The following L1TD1 variants were observed in gnomAD, a reference collection of about 807,000 sequenced individuals.
The protein encoded by L1TD1 is LINE1 type transposase domain containing 1, also known as LINE-1 type transposase domain-containing protein 1.
L1TD1 carries 26 observed loss-of-function variants against 25.7 expected under a neutral mutation model. That is an observed-to-expected ratio of 1.01 (90% CI 0.74 to 1.40). The LOEUF is 1.40. Among genes scored for constraint, L1TD1 ranks in the 40% most tolerant of loss-of-function variants. L1TD1 has a pLI of 0.00. For missense variants in L1TD1, 1,130 were observed against 975.0 expected, an observed-to-expected ratio of 1.16 and a Z score of -2.12; for synonymous variants, 421 against 335.6, an observed-to-expected ratio of 1.25 and a Z score of -2.78.
At chr1:62,197,397 T>TTTTATATA (rs1269544269) in intron 2 of L1TD1, among the ~76,000 whole-genome samples, 19 of 80,838 alleles carry the variant, frequency 2.4e-4, no homozygotes, top group East Asian at 1.7e-3. Context: ...AAAAAATAAA[T>TTTTATATA]TATATATATA....
At position 62,207,331 on chromosome 1, in the gene L1TD1, G is replaced by A. The variant is rs915846922; in HGVS notation, c.703G>A (p.Val235Met). 9 of 1,551,194 alleles carry A rather than the reference G, an allele frequency of 5.8e-6. No homozygotes were observed. In the African/African-American group the frequency reaches 8.2e-5, roughly 14 times the overall value. The part of the protein sequence containing the change: ...EVLKASREEK[V>M]LMDEGAVLTL... ...TTTAAAAGCCTCCAGAGAAGAAAAA[G>A]TGTTGATGGATGAAGGAGCAGTACT... is the stretch of plus-strand genomic sequence containing the variant. Residue 235 changes from valine to methionine, a missense_variant, in exon 3 of 4, where the codon GTG becomes ATG. Transcript: ENST00000498273.
rs540392155 is a variant in L1TD1, at chr1:62,197,251, G to A, written c.-111+723G>A. Among the ~76,000 whole-genome samples the A allele has an allele frequency of 2.0e-5, 3 of 151,532 alleles. No individual in the cohort carries two copies. The South Asian group carries it at 6.3e-4, about 32-fold the overall frequency. On this transcript the variant is annotated intron_variant, in intron 2 of 3. Coordinates refer to ENST00000498273, the MANE Select transcript of L1TD1 (RefSeq NM_019079.5). ...AAAGTACCAAAATTAGCTGGGCATG[G>A]TGGCACGCTCCTGTAGTCCCAGCTA...
intron 3 of L1TD1, 52 bp from the exon 4 acceptor site, chr1:62,209,731 A>T (rs1280176829): frequency 7.5e-7 from 1 of 1,332,024 alleles, no homozygotes; most frequent in Non-Finnish European, 1.0e-6. Flanking sequence ...TCTTTAAAAG[A>T]CAAATGATTT....
Position 62,206,781 on chromosome 1 carries a change from T to G in L1TD1, c.153T>G (p.Ile51Met), listed in dbSNP as rs775850126. Reference sequence around the variant, plus strand: ...TAAAATGCAAGGACGTATCAGCAATTATGAATAAGTTTAAGGTCTTAATGG... The same window carrying G: ...TAAAATGCAAGGACGTATCAGCAATGATGAATAAGTTTAAGGTCTTAATGG... ...LDLKCKDVSAIMNKFKVLMEI... is the reference protein window; with the variant it reads ...LDLKCKDVSAMMNKFKVLMEI... The change falls in exon 3 of 4, where the codon ATT (isoleucine) becomes ATG (methionine). Residue 51 changes from isoleucine to methionine, a missense_variant. Transcript: ENST00000498273. 2.2e-5 allele frequency: 34 copies of G among 1,568,078 alleles called. No individual in the cohort carries two copies. The highest frequency in any genetic ancestry group is 2.9e-5 in the Non-Finnish European group (34 of 1,154,550).
chr1:62,204,884 C>A (rs879942408), intron 2 of L1TD1, among the ~76,000 whole-genome samples: 1 of 152,122 alleles, frequency 6.6e-6, no homozygotes, highest in African/African-American at 2.4e-5. Flanking sequence ...TCAAGTGATC[C>A]TCTTACCTCA....
chr1:62,205,381 CT>C (rs1670717474), intron 2 of L1TD1, among the ~76,000 whole-genome samples: 9 of 76,928 alleles, frequency 1.2e-4, no homozygotes, highest in African/African-American at 1.5e-4. Flanking sequence ...CTTTCTCTCT[CT>C]CTCTCTTTCT....
intron 3 of L1TD1, among the ~76,000 whole-genome samples, chr1:62,208,667 C>T (rs1570930423): frequency 2.0e-5 from 3 of 152,106 alleles, no homozygotes; most frequent in South Asian, 2.1e-4. Flanking sequence ...TTTATAGAGA[C>T]GAGGTTTTGC....
At chr1:62,209,265 T>A (rs1307911305) in intron 3 of L1TD1, among the ~76,000 whole-genome samples, 1 of 150,700 alleles carries the variant, frequency 6.6e-6, no homozygotes, top group Non-Finnish European at 1.5e-5. Context: ...GTCCTAAGGC[T>A]AGAGTGTAAA....
At chr1:62,209,732 C>T in intron 3 of L1TD1, 51 bp from the exon 4 acceptor site, 1 of 1,331,416 alleles carries the variant, frequency 7.5e-7, no homozygotes, top group South Asian at 1.6e-5. Context: ...CTTTAAAAGA[C>T]AAATGATTTA....
chr1:62,195,988 G>A (rs1670529263), intron 1 of L1TD1, among the ~76,000 whole-genome samples: 1 of 151,752 alleles, frequency 6.6e-6, no homozygotes, highest in African/African-American at 2.4e-5. Flanking sequence ...AGTGAGCCGA[G>A]ATCGGGCCAC....
intron 1 of L1TD1, among the ~76,000 whole-genome samples, chr1:62,195,374 C>T (rs1201114242): frequency 2.6e-5 from 4 of 152,216 alleles, no homozygotes; most frequent in Non-Finnish European, 5.9e-5. Context: ...TTATCTATCC[C>T]CAAATTGGAA....
chr1:62,206,131 C>T (rs1670740651), intron 2 of L1TD1, among the ~76,000 whole-genome samples: 1 of 152,084 alleles, frequency 6.6e-6, no homozygotes. Context: ...CTCAATTTTG[C>T]GTAAGATTCT....
chr1:62,211,571 T>A lies in L1TD1; in HGVS notation c.*199T>A. 1 of 790,996 alleles carries A rather than the reference T, an allele frequency of 1.3e-6. No individual in the cohort carries two copies. The highest frequency in any genetic ancestry group is 1.8e-6 in the Non-Finnish European group (1 of 554,480). 49.0% of individuals were successfully genotyped at this position (790,996 alleles called of 1,614,324 possible). ...TAAAAAAAATAGGCTGGTCTCAATG[T>A]AGTGAGTTATTTCAGTTGATCACAG... On this transcript the variant is annotated 3_prime_UTR_variant, in exon 4 of 4. Transcript: ENST00000498273.
chr1:62,197,375 A>T (rs1177514568), intron 2 of L1TD1, among the ~76,000 whole-genome samples: 1 of 145,236 alleles, frequency 6.9e-6, no homozygotes, highest in Non-Finnish European at 1.5e-5. Context: ...CAAGAGTGAG[A>T]CGCCCTCTCA....
chr1:62,207,760 G>T lies in L1TD1; in HGVS notation c.1008+124G>T, dbSNP rs1435705276. The T allele has an allele frequency of 1.6e-5, 20 of 1,215,488 alleles. No individual in the cohort carries two copies. In the South Asian group the frequency reaches 3.4e-4, roughly 21 times the overall value. The allele number at this position is 1,215,488 out of a possible 1,614,324, so 75.3% of individuals were successfully genotyped here. A position where few individuals can be genotyped will look rare whatever the true frequency, so the allele number is the denominator to read the frequency against. On this transcript the variant is annotated intron_variant, in intron 3 of 3. Transcript: ENST00000498273. Reference sequence around the variant, plus strand: ...GGAGTTTCGCTCTTGTCGGCCAGGTGGGAGTGCAGTGGCACGATCTCGGCT... The same window carrying T: ...GGAGTTTCGCTCTTGTCGGCCAGGTTGGAGTGCAGTGGCACGATCTCGGCT...
chr1:62,207,534 T>G lies in L1TD1; in HGVS notation c.906T>G (p.Phe302Leu), dbSNP rs1028168822. Residue 302 changes from phenylalanine (F) to leucine (L), a missense_variant, in exon 3 of 4, where the codon TTT becomes TTG. Physicochemically the swap from Phe to Leu is conservative, Grantham distance 22. Transcript: ENST00000498273. Reference sequence around the variant, plus strand: ...CAGATCTGCAAAGCCTTAGAAAATTTGCCAGCCAAAAATCTTCTGTGAAAG... The same window carrying G: ...CAGATCTGCAAAGCCTTAGAAAATTGGCCAGCCAAAAATCTTCTGTGAAAG... ...TFSDLQSLRKFASQKSSVKEL... is the reference protein window; with the variant it reads ...TFSDLQSLRKLASQKSSVKEL... 24 of 1,551,278 alleles carry G rather than the reference T, an allele frequency of 1.5e-5. No homozygotes were observed. The highest frequency in any genetic ancestry group is 2.7e-5 in the African/African-American group (2 of 73,022).
intron 2 of L1TD1, among the ~76,000 whole-genome samples, chr1:62,205,429 A>ATTTTTTTTTTTTT (rs1557443570): frequency 2.7e-5 from 1 of 36,860 alleles, no homozygotes; most frequent in Non-Finnish European, 6.7e-5. Flanking sequence ...ATATATATAT[A>ATTTTTTTTTTTTT]TATATATATA....
chr1:62,207,248 T>G lies in L1TD1; in HGVS notation c.620T>G (p.Phe207Cys). Residue 207 changes from phenylalanine (F) to cysteine (C), a missense_variant, in exon 3 of 4, where the codon TTT becomes TGT. Physicochemically the swap from Phe to Cys is radical, Grantham distance 205 (BLOSUM62 -2). Transcript: ENST00000498273. ...AGTAGGAAGGATGGAGAGGATGAAT[T>G]TGTCAAAGAAATGAGAGAGGAAAGA... is the stretch of plus-strand genomic sequence containing the variant. The part of the protein sequence containing the change: ...RESRKDGEDE[F>C]VKEMREERKF... The G allele has an allele frequency of 6.4e-7, 1 of 1,551,304 alleles. No homozygotes were observed. The highest frequency in any genetic ancestry group is 8.7e-7 in the Non-Finnish European group (1 of 1,146,920).
intron 3 of L1TD1, 98 bp downstream of exon 3, chr1:62,207,734 T>C: frequency 7.3e-7 from 1 of 1,378,560 alleles, no homozygotes; most frequent in Non-Finnish European, 9.5e-7. Context: ...TTTCTTGAGA[T>C]GGAGTTTCGC....
Sources: allele counts gnomAD v4.1 joint callset (sites outside exome capture counted in the v4.1 genomes callset), GRCh38; gene constraint gnomAD v4.1.1; transcripts MANE v1.5; gene names NCBI Gene and HGNC (gene_info 2026-07-23, HGNC 2026-07-21).